Variants in CPS1 observed in about 807,000 individuals in gnomAD.
The protein encoded by CPS1 is carbamoyl-phosphate synthase 1.
CPS1 carries 109 observed loss-of-function variants against 174.6 expected under a neutral mutation model. The ratio of observed to expected loss-of-function variants is 0.62; its 90% CI spans 0.53 to 0.73. CPS1 has a LOEUF of 0.73. Ranked by LOEUF, CPS1 falls within the 30% of genes least tolerant of loss-of-function variation. The pLI is 0.00. For missense variants in CPS1, 1,689 were observed against 1,821.9 expected, an observed-to-expected ratio of 0.93 and a Z score of 1.33; for synonymous variants, 637 against 632.0, an observed-to-expected ratio of 1.01 and a Z score of -0.12.
In CPS1 at chr2:210,656,623, C is replaced by T. The variant is rs1330503405; in HGVS notation, c.3657C>T (p.Ala1219=). ...CCACACAAACCATCAGCCAAGGGGC[C>T]ATTGAAAAGGTCATCATTTATAAAT... ...MLPTQTISQG[A]IEKVKDATRK... Residue 1219 remains alanine (A), a synonymous_variant, in exon 30 of 38, where the codon GCC becomes GCT. Transcript: ENST00000233072. The T allele has an allele frequency of 1.2e-6, 2 of 1,608,852 alleles. No individual in the cohort carries two copies. Among genetic ancestry groups the T allele is most frequent in the East Asian group, 2.2e-5 (1 of 44,742 alleles).
At chr2:210,563,617 G>A (rs1405512088) in intron 1 of CPS1, among the ~76,000 whole-genome samples, 1 of 152,124 alleles carries the variant, frequency 6.6e-6, no homozygotes. Flanking sequence ...GTAAAGGATC[G>A]ATGTCCTTAG....
chr2:210,597,267 A>C lies in CPS1; in HGVS notation c.1359+1685A>C, dbSNP rs75826895. 1.5e-3 allele frequency among the ~76,000 whole-genome samples: 230 copies of C among 151,948 alleles called. 1 individual carries two copies. The highest frequency in any genetic ancestry group is 2.5e-3 in the Non-Finnish European group (173 of 67,854). On this transcript the variant is annotated intron_variant, in intron 13 of 37. Transcript: ENST00000233072. ...GCTTACCTGTTTGTATCTTCCTGAC[A>C]TTTTGTTAATAATATTACTCTTAAA...
chr2:210,510,268 G>A (rs962319693), intron 1 of CPS1, among the ~76,000 whole-genome samples: 16 of 152,284 alleles, frequency 1.1e-4, no homozygotes, highest in Admixed American at 3.3e-4. Context: ...ACAAAAACAA[G>A]CAATGGGGAA....
At chr2:210,607,841 T>G (rs571246361) in intron 18 of CPS1, among the ~76,000 whole-genome samples, 2 of 151,856 alleles carry the variant, frequency 1.3e-5, no homozygotes, top group Non-Finnish European at 2.9e-5. Flanking sequence ...TCTCAAAGTG[T>G]TAGTTTTGTA....
chr2:210,477,840 G>C, intron 1 of CPS1: 1 of 1,511,590 alleles, frequency 6.6e-7, no homozygotes, highest in Non-Finnish European at 9.2e-7. Flanking sequence ...AGAGAGAAAA[G>C]GAAAACGAGA....
intron 22 of CPS1, among the ~76,000 whole-genome samples, chr2:210,638,138 C>T (rs1275749847): frequency 6.6e-6 from 1 of 152,172 alleles, no homozygotes; most frequent in African/African-American, 2.4e-5. Context: ...GCTTTTTGAC[C>T]TGTGTTCAAA....
chr2:210,545,109 G>T (rs1365522466), intron 1 of CPS1, among the ~76,000 whole-genome samples: 11 of 152,048 alleles, frequency 7.2e-5, no homozygotes, highest in South Asian at 2.1e-4. Flanking sequence ...ACGTAGCACA[G>T]GGTTTTTCAA....
In CPS1 at chr2:210,606,777, G is replaced by C; in HGVS notation, c.2028G>C (p.Glu676Asp). The change falls in exon 18 of 38, where the codon GAG (glutamate) becomes GAC (aspartate). Residue 676 changes from glutamate (E) to aspartate (D), a missense_variant. Coordinates refer to ENST00000233072, the MANE Select transcript of CPS1 (RefSeq NM_001875.5). Reference sequence around the variant, plus strand: ...CTGCCCAGACACTCTCCAATGCCGAGTTTCAGATGTTGAGACGTACTTCAA... The same window carrying C: ...CTGCCCAGACACTCTCCAATGCCGACTTTCAGATGTTGAGACGTACTTCAA... The part of the protein sequence containing the change: ...VAPAQTLSNA[E>D]FQMLRRTSIN... The C allele has an allele frequency of 6.2e-7, 1 of 1,612,560 alleles. No individual in the cohort carries two copies. The highest frequency in any genetic ancestry group is 8.5e-7 in the Non-Finnish European group (1 of 1,179,068).
chr2:210,546,511 C>T (rs546281346), intron 1 of CPS1, among the ~76,000 whole-genome samples: 70 of 152,148 alleles, frequency 4.6e-4, no homozygotes, highest in African/African-American at 1.4e-3. Context: ...GATATACATA[C>T]ATAAAGTTCA....
Position 210,675,835 on chromosome 2 carries a change from CAGAA to C in CPS1, c.4272_4274+1del. The C allele has an allele frequency of 6.9e-7, 1 of 1,444,390 alleles. No homozygotes were observed. Among genetic ancestry groups the C allele is most frequent in the South Asian group, 1.1e-5 (1 of 87,596 alleles). The allele number at this position is 1,444,390 out of a possible 1,614,324, so 89.5% of individuals were successfully genotyped here. ...GACAGAATCCCAGCCTCTCTTCCAT[CAGAA>C]AGTAAGAACTAGGCATACTGTTTTC... is the stretch of plus-strand genomic sequence containing the variant. On this transcript the variant is annotated frameshift_variant and splice_region_variant, in exon 36 of 38. Coordinates refer to ENST00000233072, the MANE Select transcript of CPS1 (RefSeq NM_001875.5). LOFTEE classifies it high-confidence loss of function.
intron 1 of CPS1, among the ~76,000 whole-genome samples, chr2:210,504,660 C>A (rs1211214606): frequency 6.6e-6 from 1 of 152,164 alleles, no homozygotes; most frequent in African/African-American, 2.4e-5. Flanking sequence ...AGGATAGATT[C>A]TCCAATTGGA....
At chr2:210,588,317 A>G (rs1229737378) in intron 7 of CPS1, among the ~76,000 whole-genome samples, 170 bp downstream of exon 7, 1 of 152,038 alleles carries the variant, frequency 6.6e-6, no homozygotes, top group Non-Finnish European at 1.5e-5. Context: ...TGTTCAAATT[A>G]AAAATATAGA....
At chr2:210,631,137 G>T (rs1369265297) in intron 21 of CPS1, 1 of 151,732 alleles carries the variant, frequency 6.6e-6, no homozygotes, top group African/African-American at 2.4e-5. Context: ...GGGAAATTTG[G>T]TTTAGTATTA....
chr2:210,636,303 CTTT>C (rs1700040524), intron 21 of CPS1, among the ~76,000 whole-genome samples: 1 of 151,678 alleles, frequency 6.6e-6, no homozygotes, highest in African/African-American at 2.4e-5. Context: ...TCAATCACTT[CTTT>C]GTCTTTTCTA....
chr2:210,519,151 CATCT>C (rs929825042), intron 1 of CPS1, among the ~76,000 whole-genome samples: 8 of 151,958 alleles, frequency 5.3e-5, no homozygotes, highest in Non-Finnish European at 1.0e-4. Context: ...ATAACTGTCC[CATCT>C]TTACACATTA....
chr2:210,500,943 T>C (rs1180341365), intron 1 of CPS1, among the ~76,000 whole-genome samples: 29 of 152,212 alleles, frequency 1.9e-4, no homozygotes, highest in Non-Finnish European at 1.5e-5. Flanking sequence ...CTTGGACATC[T>C]AGGTGTTTCC....
At chr2:210,486,752 C>T (rs909647684) in intron 1 of CPS1, among the ~76,000 whole-genome samples, 14 of 152,192 alleles carry the variant, frequency 9.2e-5, no homozygotes, top group Admixed American at 8.5e-4. Flanking sequence ...TCAGGTGATC[C>T]GCTCGCCTTG....
chr2:210,510,668 G>T (rs1006293539), intron 1 of CPS1, among the ~76,000 whole-genome samples: 2 of 152,010 alleles, frequency 1.3e-5, no homozygotes, highest in Admixed American at 1.3e-4. Context: ...AATCTACAAA[G>T]AACTCAAACA....
intron 1 of CPS1, among the ~76,000 whole-genome samples, chr2:210,541,133 T>C (rs938972969): frequency 6.6e-6 from 1 of 152,144 alleles, no homozygotes; most frequent in Non-Finnish European, 1.5e-5. Flanking sequence ...GGGAGTGCAC[T>C]CAGTCCAGAG....
Sources: allele counts gnomAD v4.1 joint callset (sites outside exome capture counted in the v4.1 genomes callset), GRCh38; gene constraint gnomAD v4.1.1; transcripts MANE v1.5; gene names NCBI Gene and HGNC (gene_info 2026-07-23, HGNC 2026-07-21).